The following PDE1A variants were observed in gnomAD, a reference collection of about 807,000 sequenced individuals.
PDE1A encodes the protein phosphodiesterase 1A.
In PDE1A, 35 loss-of-function variants were observed where a neutral mutation model predicts 61.7. The observed-to-expected ratio is 0.57, with a 90% confidence interval of 0.43 to 0.75. The LOEUF (loss-of-function observed/expected upper bound fraction) is 0.75. Among genes scored for constraint, PDE1A ranks in the 30% least tolerant of loss-of-function variants. The pLI is 0.00. For synonymous variants in PDE1A, 232 were observed against 213.2 expected, an observed-to-expected ratio of 1.09 and a Z score of -0.77; for missense variants, 597 against 630.6, an observed-to-expected ratio of 0.95 and a Z score of 0.57.
At chr2:182,531,918 C>T in the PDE1A span, among the ~76,000 whole-genome samples, 1 of 152,114 alleles carries the variant, frequency 6.6e-6, no homozygotes, top group African/African-American at 2.4e-5. Flanking sequence ...TTGCATTGTT[C>T]AACTCCCACC....
intron 1 of PDE1A, among the ~76,000 whole-genome samples, chr2:182,387,063 T>C (rs1031714878): frequency 1.3e-5 from 2 of 152,240 alleles, no homozygotes; most frequent in African/African-American, 4.8e-5. Flanking sequence ...CTTCATTTTG[T>C]TCTGTACTAA....
intron 1 of PDE1A, among the ~76,000 whole-genome samples, chr2:182,399,940 G>A (rs1701908813): frequency 6.6e-6 from 1 of 152,036 alleles, no homozygotes; most frequent in Admixed American, 6.6e-5. Context: ...TTCTAAAACA[G>A]GATTGCTAGT....
chr2:182,334,834 T>C (rs1238669900), intron 1 of PDE1A, among the ~76,000 whole-genome samples: 3 of 152,194 alleles, frequency 2.0e-5, no homozygotes, highest in Non-Finnish European at 4.4e-5. Context: ...GGAAGTCAAA[T>C]TGTCTCTGTT....
At chr2:182,349,460 T>C (rs1211126703) in intron 1 of PDE1A, among the ~76,000 whole-genome samples, 4 of 152,200 alleles carry the variant, frequency 2.6e-5, no homozygotes, top group African/African-American at 9.7e-5. Context: ...TTTTGTCATG[T>C]TTTTTATTTT....
intron 2 of PDE1A, among the ~76,000 whole-genome samples, chr2:182,260,131 T>C (rs1692119269): frequency 6.6e-6 from 1 of 152,228 alleles, no homozygotes; most frequent in Non-Finnish European, 1.5e-5. Flanking sequence ...CTTTCTTAAC[T>C]GAAATTCTGC....
chr2:182,462,552 G>C (rs1686377750), intron 2 of PDE1A, among the ~76,000 whole-genome samples: 3 of 151,956 alleles, frequency 2.0e-5, no homozygotes, highest in Admixed American at 6.6e-5. Flanking sequence ...GAAAAAAAAG[G>C]AACAGAGCAT....
the PDE1A span, among the ~76,000 whole-genome samples, chr2:182,697,448 A>G: frequency 6.6e-6 from 1 of 152,222 alleles, no homozygotes; most frequent in Admixed American, 6.5e-5. Flanking sequence ...TCTCTTCCTC[A>G]GTTTCCATGA....
At chr2:182,367,325 T>G (rs1055019305) in intron 1 of PDE1A, among the ~76,000 whole-genome samples, 15 of 152,080 alleles carry the variant, frequency 9.9e-5, no homozygotes, top group African/African-American at 3.6e-4. Flanking sequence ...TAAAAATAAT[T>G]TGTTCATTTG....
the PDE1A span, among the ~76,000 whole-genome samples, chr2:182,693,320 A>G: frequency 1.3e-5 from 2 of 152,154 alleles, no homozygotes; most frequent in Admixed American, 1.3e-4. Context: ...GCCAATCACA[A>G]ATATCATATC....
chr2:182,500,148 T>C (rs1312564204), intron 2 of PDE1A, among the ~76,000 whole-genome samples: 2 of 152,132 alleles, frequency 1.3e-5, no homozygotes, highest in Non-Finnish European at 2.9e-5. Flanking sequence ...TCCAACAAAG[T>C]AACAATTAAA....
At chr2:182,278,427 G>T (rs541462883) in intron 1 of PDE1A, among the ~76,000 whole-genome samples, 1 of 152,104 alleles carries the variant, frequency 6.6e-6, no homozygotes, top group East Asian at 1.9e-4. Context: ...TCAGTTCTAT[G>T]TTTTGGTAGA....
At chr2:182,236,346 G>GT (rs201533399) in intron 3 of PDE1A, among the ~76,000 whole-genome samples, 21,606 of 141,300 alleles carry the variant, frequency 0.15, 2,008 homozygotes, top group East Asian at 0.32. Context: ...ATACTCAGGT[G>GT]TTTTTTTTTT....
intron 2 of PDE1A, among the ~76,000 whole-genome samples, chr2:182,253,717 A>C (rs949539259): frequency 1.3e-5 from 2 of 152,116 alleles, no homozygotes; most frequent in African/African-American, 4.8e-5. Context: ...TAAAAAAGGG[A>C]GTAAATAATT....
chr2:182,530,297 C>A, the PDE1A span, among the ~76,000 whole-genome samples: 1 of 151,528 alleles, frequency 6.6e-6, no homozygotes, highest in East Asian at 1.9e-4. Flanking sequence ...AAATTTTAAA[C>A]CACAGTGAAG....
At chr2:182,659,111 CATCT>C in the PDE1A span, among the ~76,000 whole-genome samples, 1 of 152,000 alleles carries the variant, frequency 6.6e-6, no homozygotes, top group Non-Finnish European at 1.5e-5. Context: ...TTATACCATC[CATCT>C]CTCTATTTGT....
chr2:182,583,409 C>T, the PDE1A span, among the ~76,000 whole-genome samples: 5 of 152,242 alleles, frequency 3.3e-5, no homozygotes, highest in East Asian at 1.9e-4. Context: ...CAACTGCAGA[C>T]GTAAGAGCAA....
At chr2:182,232,327 C>T (rs1689650115) in intron 4 of PDE1A, among the ~76,000 whole-genome samples, 1 of 152,188 alleles carries the variant, frequency 6.6e-6, no homozygotes, top group Non-Finnish European at 1.5e-5. Context: ...ACTGTTTATA[C>T]ACATACAGTA....
the PDE1A span, among the ~76,000 whole-genome samples, chr2:182,628,826 G>T: frequency 1.3e-5 from 2 of 152,118 alleles, no homozygotes; most frequent in Admixed American, 6.5e-5. Flanking sequence ...GACCCCCCCA[G>T]TGATCCATGT....
chr2:182,215,650 A>T (rs2125563433), intron 7 of PDE1A, among the ~76,000 whole-genome samples: 1 of 129,638 alleles, frequency 7.7e-6, no homozygotes, highest in South Asian at 2.7e-4. Flanking sequence ...CTACGCAAAT[A>T]AACTAGAAAA....
Sources: allele counts gnomAD v4.1 joint callset (sites outside exome capture counted in the v4.1 genomes callset), GRCh38; gene constraint gnomAD v4.1.1; transcripts MANE v1.5; gene names NCBI Gene and HGNC (gene_info 2026-07-23, HGNC 2026-07-21).